NRCAM: variants seen among roughly 807,000 people sequenced by gnomAD.
NRCAM encodes the protein NgCAM-related cell adhesion molecule.
NRCAM carries 83 observed loss-of-function variants against 156.5 expected under a neutral mutation model. That is an observed-to-expected ratio of 0.53 (90% CI 0.44 to 0.64). The LOEUF is 0.64. Among genes scored for constraint, NRCAM ranks in the 30% least tolerant of loss-of-function variants. The pLI is 0.00. For missense variants in NRCAM, 1,417 were observed against 1,597.3 expected (o/e 0.89, Z 1.92); for synonymous variants, 538 against 563.9 (o/e 0.95, Z 0.65).
chr7:108,426,335 G>A (rs1475993499), intron 1 of NRCAM, among the ~76,000 whole-genome samples: 1 of 152,212 alleles, frequency 6.6e-6, no homozygotes, highest in Non-Finnish European at 1.5e-5. Context: ...CTGTGCTCTA[G>A]GCACAAGGCT....
rs532929113 is a variant in NRCAM, at chr7:108,334,911, A to T, written c.-173-22180T>A. On this transcript the variant is annotated intron_variant, in intron 2 of 32. Transcript: ENST00000379028. ...GAACTAAAGAGACAAATTAGGAAAC[A>T]GGAAATGTTGACCATTTTGCTCTTT... 2.6e-4 allele frequency among the ~76,000 whole-genome samples: 39 copies of T among 152,376 alleles called. No individual in the cohort carries two copies. In the South Asian group the frequency reaches 7.7e-3, roughly 30 times the overall value.
intron 2 of NRCAM, among the ~76,000 whole-genome samples, chr7:108,314,178 G>A (rs951609343): frequency 6.6e-6 from 1 of 151,894 alleles, no homozygotes; most frequent in South Asian, 2.1e-4. Flanking sequence ...ACCTTGTGGT[G>A]ATGTAAACCC....
At position 108,182,927 on chromosome 7, in the gene NRCAM, G is replaced by A; in HGVS notation, c.2305-7C>T. On this transcript the variant is annotated splice_region_variant and splice_polypyrimidine_tract_variant and intron_variant, in intron 22 of 32. Coordinates refer to ENST00000379028, the MANE Select transcript of NRCAM (RefSeq NM_001037132.4). ...ATTCGAAACCATTCAAGGGCTACAA[G>A]GAAAGCCAAATAACCAGAGCTTATA... 2 of 1,612,252 alleles carry A rather than the reference G, an allele frequency of 1.2e-6. No homozygotes were observed. Among genetic ancestry groups the A allele is most frequent in the Non-Finnish European group, 1.7e-6 (2 of 1,178,384 alleles).
At chr7:108,184,356 G>C (rs75016870) in intron 21 of NRCAM, 45 bp from the exon 22 acceptor site, 11 of 1,613,094 alleles carry the variant, frequency 6.8e-6, no homozygotes, top group Non-Finnish European at 9.3e-6. Context: ...GGCCTTTTGC[G>C]AAGAGTGGAA....
intron 1 of NRCAM, among the ~76,000 whole-genome samples, chr7:108,446,719 T>G (rs1844626864): frequency 6.9e-6 from 1 of 145,790 alleles, no homozygotes; most frequent in African/African-American, 2.6e-5. Context: ...CTCTCTGCAT[T>G]TACAACCTAT....
At chr7:108,150,754 C>G (rs754571633) in intron 32 of NRCAM, 1 of 531,650 alleles carries the variant, frequency 1.9e-6, no homozygotes, top group East Asian at 5.5e-5. Flanking sequence ...TGAAAACAGC[C>G]TAAGAAGAAA....
intron 1 of NRCAM, among the ~76,000 whole-genome samples, chr7:108,411,683 C>A (rs1417699576): frequency 1.3e-5 from 2 of 152,150 alleles, no homozygotes; most frequent in Non-Finnish European, 2.9e-5. Context: ...GTGTGCGCCA[C>A]CACGCCCGGC....
At position 108,226,144 on chromosome 7, in the gene NRCAM, T is replaced by G. The variant is rs1480083200; in HGVS notation, c.721+64A>C. The stretch of plus-strand genomic sequence containing the variant: ...TTCAAAGTCAGTAGTATATAATAGT[T>G]TCTATATTTTGCACATATTTGTAAA... On this transcript the variant is annotated intron_variant, in intron 9 of 32. Coordinates refer to ENST00000379028, the MANE Select transcript of NRCAM (RefSeq NM_001037132.4). 3 of 1,171,858 alleles carry G rather than the reference T, an allele frequency of 2.6e-6. No individual in the cohort carries two copies. The African/African-American group carries it at 4.6e-5, about 18-fold the overall frequency. 72.6% of individuals were successfully genotyped at this position (1,171,858 alleles called of 1,614,324 possible).
intron 2 of NRCAM, among the ~76,000 whole-genome samples, chr7:108,386,681 G>C (rs2099741755): frequency 6.6e-6 from 1 of 152,124 alleles, no homozygotes; most frequent in South Asian, 2.1e-4. Flanking sequence ...CCTATTCAAT[G>C]AAAGAAGACC....
chr7:108,179,568 C>G (rs2062405209), intron 25 of NRCAM, among the ~76,000 whole-genome samples: 1 of 152,172 alleles, frequency 6.6e-6, no homozygotes, highest in South Asian at 2.1e-4. Flanking sequence ...GCCCCTCTTT[C>G]CCTCACCCAC....
chr7:108,450,872 G>A (rs1231258433), intron 1 of NRCAM, among the ~76,000 whole-genome samples: 1 of 152,112 alleles, frequency 6.6e-6, no homozygotes, highest in African/African-American at 2.4e-5. Flanking sequence ...CAATAAATTA[G>A]AAATGCTGTG....
At chr7:108,368,350 C>T (rs1280094763) in intron 2 of NRCAM, among the ~76,000 whole-genome samples, 1 of 151,772 alleles carries the variant, frequency 6.6e-6, no homozygotes, top group African/African-American at 2.4e-5. Context: ...TGTGACTTGA[C>T]TTACCAAGTG....
chr7:108,369,702 T>C (rs1034254605), intron 2 of NRCAM, among the ~76,000 whole-genome samples: 1 of 152,160 alleles, frequency 6.6e-6, no homozygotes, highest in African/African-American at 2.4e-5. Context: ...CCTGAATGTT[T>C]GTTAAAATGG....
intron 2 of NRCAM, among the ~76,000 whole-genome samples, chr7:108,360,419 AC>A (rs2099541800): frequency 6.6e-6 from 1 of 152,208 alleles, no homozygotes; most frequent in Non-Finnish European, 1.5e-5. Context: ...AATGAACATG[AC>A]CCGGGGTTGC....
chr7:108,430,090 G>A (rs1166359142), intron 1 of NRCAM, among the ~76,000 whole-genome samples: 2 of 152,144 alleles, frequency 1.3e-5, no homozygotes, highest in African/African-American at 2.4e-5. Context: ...TGAGTTGGGG[G>A]GTGCACAAGG....
chr7:108,364,664 T>G (rs895782083), intron 2 of NRCAM, among the ~76,000 whole-genome samples: 2 of 151,908 alleles, frequency 1.3e-5, no homozygotes, highest in African/African-American at 2.4e-5. Flanking sequence ...TACAATGACA[T>G]GTTATCTGGC....
intron 13 of NRCAM, among the ~76,000 whole-genome samples, chr7:108,204,333 TCCACCCATGTGG>T (rs1011291860): frequency 2.6e-5 from 4 of 152,228 alleles, no homozygotes; most frequent in African/African-American, 9.6e-5. Flanking sequence ...AGACTTAGCA[TCCACCCATGTGG>T]CCACTCAGCA....
intron 2 of NRCAM, among the ~76,000 whole-genome samples, chr7:108,327,602 T>A (rs548273974): frequency 6.6e-6 from 1 of 152,202 alleles, no homozygotes; most frequent in Non-Finnish European, 1.5e-5. Context: ...TTTCATTTCA[T>A]GAGGTTCAAA....
chr7:108,445,418 T>C (rs1012306603), intron 1 of NRCAM, among the ~76,000 whole-genome samples: 1 of 152,236 alleles, frequency 6.6e-6, no homozygotes, highest in Non-Finnish European at 1.5e-5. Context: ...GCAAGACCAC[T>C]TCATTTATTC....
Sources: gnomAD v4.1 joint callset for allele counts (sites outside exome capture counted in the v4.1 genomes callset) on GRCh38, gnomAD v4.1.1 for gene constraint, MANE v1.5 for transcripts, NCBI Gene and HGNC (gene_info 2026-07-23, HGNC 2026-07-21) for gene names.